Variants in ITPR1 observed in about 807,000 individuals in gnomAD.
ITPR1 encodes the protein inositol 1,4,5-trisphosphate receptor type 1, also known as inositol 1,4,5-trisphosphate-gated calcium channel ITPR1.
Under a neutral mutation model 318.4 loss-of-function variants are expected in ITPR1, and 96 were observed. The ratio of observed to expected loss-of-function variants is 0.30; its 90% CI spans 0.26 to 0.36. ITPR1 has a LOEUF of 0.36. Ranked by LOEUF, ITPR1 falls within the 10% of genes least tolerant of loss-of-function variation. The pLI, the probability that ITPR1 is intolerant of heterozygous loss-of-function variation, is 1.00. For synonymous variants in ITPR1, 1,312 were observed against 1,289.9 expected (o/e 1.02, Z -0.37); for missense variants, 2,440 against 3,460.2 (o/e 0.71, Z 7.40).
intron 4 of ITPR1, among the ~76,000 whole-genome samples, chr3:4,526,664 A>C (rs1285376869): frequency 6.6e-6 from 1 of 152,230 alleles, no homozygotes; most frequent in Non-Finnish European, 1.5e-5. Flanking sequence ...GAACCCACCT[A>C]TGAGGTGTAG....
In ITPR1 at chr3:4,628,016, G is replaced by T. The variant is rs532018150; in HGVS notation, c.279+138G>T. 3.3e-4 allele frequency: 186 copies of T among 564,396 alleles called. 3 individuals carry two copies. In the South Asian group the frequency reaches 4.5e-3, roughly 14 times the overall value. The allele number at this position is 564,396 out of a possible 1,614,324, so 35.0% of individuals were successfully genotyped here. ...TTTCTACTTTTTTTTTCGTGAAGGG[G>T]TAGAAGGGAACCGACCGTAGAGAGG... On this transcript the variant is annotated intron_variant, in intron 5 of 61. Coordinates refer to ENST00000649015, the MANE Select transcript of ITPR1 (RefSeq NM_001378452.1).
intron 4 of ITPR1, among the ~76,000 whole-genome samples, chr3:4,533,427 A>G: frequency 6.6e-6 from 1 of 152,022 alleles, no homozygotes; most frequent in Non-Finnish European, 1.5e-5. Context: ...TAGTTTCCCC[A>G]CCTGGCTGCC....
intron 46 of ITPR1, among the ~76,000 whole-genome samples, chr3:4,770,702 G>C (rs1312106600): frequency 6.6e-6 from 1 of 152,194 alleles, no homozygotes; most frequent in African/African-American, 2.4e-5. Context: ...CAGTTGCTCA[G>C]ACTTTCCTCT....
intron 4 of ITPR1, among the ~76,000 whole-genome samples, chr3:4,589,880 A>T (rs1284846330): frequency 6.6e-6 from 1 of 152,146 alleles, no homozygotes; most frequent in Non-Finnish European, 1.5e-5. Flanking sequence ...GTATGAGAAG[A>T]CCAGGCCCCT....
chr3:4,781,982 C>CA (rs1423034383), intron 49 of ITPR1, among the ~76,000 whole-genome samples: 1 of 151,576 alleles, frequency 6.6e-6, no homozygotes, highest in African/African-American at 2.4e-5. Flanking sequence ...GACCCTGTCT[C>CA]AAAAAAAGGA....
chr3:4,684,719 G>A (rs13082193), intron 29 of ITPR1, among the ~76,000 whole-genome samples: 19,943 of 152,192 alleles, frequency 0.13, 1,526 homozygotes, highest in Middle Eastern at 0.23. Flanking sequence ...AAACCTTTGC[G>A]TACGCTGGTT....
At chr3:4,505,887 T>C (rs1209700543) in intron 2 of ITPR1, among the ~76,000 whole-genome samples, 1 of 152,232 alleles carries the variant, frequency 6.6e-6, no homozygotes, top group Non-Finnish European at 1.5e-5. Context: ...GTATATTCAC[T>C]TGTCATTTGG....
At chr3:4,735,579 A>G in intron 44 of ITPR1, 1 of 538,266 alleles carries the variant, frequency 1.9e-6, no homozygotes, top group South Asian at 2.6e-5. Context: ...GAAAACTGAT[A>G]AAACACTGAG....
chr3:4,718,606 G>A (rs1401648530), intron 40 of ITPR1, among the ~76,000 whole-genome samples: 2 of 152,180 alleles, frequency 1.3e-5, no homozygotes, highest in African/African-American at 4.8e-5. Context: ...ACTAAATCAG[G>A]ACAAACACGT....
chr3:4,622,410 G>C (rs529232347), intron 4 of ITPR1, among the ~76,000 whole-genome samples: 39 of 151,436 alleles, frequency 2.6e-4, no homozygotes, highest in Non-Finnish European at 5.2e-4. Flanking sequence ...ACTGCGGCCA[G>C]CCTTTGACTT....
intron 4 of ITPR1, among the ~76,000 whole-genome samples, chr3:4,609,690 G>T (rs892147911): frequency 6.6e-6 from 1 of 151,482 alleles, no homozygotes; most frequent in Non-Finnish European, 1.5e-5. Flanking sequence ...AGATGGGGTG[G>T]TGGCTTGGCC....
chr3:4,813,369 G>A (rs1315667349), intron 57 of ITPR1, 135 bp downstream of exon 57: 1 of 614,832 alleles, frequency 1.6e-6, no homozygotes, highest in Non-Finnish European at 2.8e-6. Context: ...GGCTGAGAAA[G>A]AGGAGGGAGA....
At chr3:4,498,227 A>G (rs1455658370) in intron 2 of ITPR1, among the ~76,000 whole-genome samples, 3 of 152,244 alleles carry the variant, frequency 2.0e-5, no homozygotes, top group Non-Finnish European at 4.4e-5. Context: ...TTTAAAAAGC[A>G]ACAAAACATG....
At position 4,747,038 on chromosome 3, in the gene ITPR1, T is replaced by C. The variant is rs558428286; in HGVS notation, c.5544+11684T>C. 3.0e-3 allele frequency among the ~76,000 whole-genome samples: 450 copies of C among 152,350 alleles called. 1 individual carries two copies. The highest frequency in any genetic ancestry group is 4.5e-3 in the Non-Finnish European group (308 of 68,032). ...GGATGTGAAATGTGAACTTGTGTTG[T>C]TGATGATTATTGCCATTTTAAAGGG... On this transcript the variant is annotated intron_variant, in intron 44 of 61. Transcript: ENST00000649015.
At chr3:4,611,262 G>A (rs1335216606) in intron 4 of ITPR1, among the ~76,000 whole-genome samples, 1 of 139,594 alleles carries the variant, frequency 7.2e-6, no homozygotes. Context: ...AACTATATAT[G>A]TACAAAAATT....
rs577895618 is a variant in ITPR1 at position 4,567,874 on chromosome 3, G to T, written c.163+46780G>T. Reference sequence around the variant, plus strand: ...CTGCCCTGGACTTCCACAGTGTGGGGGTTACAGGTGTGAGCCACCGTGCCC... The same window carrying T: ...CTGCCCTGGACTTCCACAGTGTGGGTGTTACAGGTGTGAGCCACCGTGCCC... On this transcript the variant is annotated intron_variant, in intron 4 of 61. Coordinates refer to ENST00000649015, the MANE Select transcript of ITPR1 (RefSeq NM_001378452.1). 2.6e-5 allele frequency among the ~76,000 whole-genome samples: 4 copies of T among 152,280 alleles called. No individual in the cohort carries two copies. In the East Asian group the frequency reaches 7.7e-4, roughly 29 times the overall value.
chr3:4,735,815 A>G (rs1222828873), intron 44 of ITPR1, among the ~76,000 whole-genome samples: 2 of 152,314 alleles, frequency 1.3e-5, no homozygotes, highest in Non-Finnish European at 1.5e-5. Context: ...AAATTTACCT[A>G]CCTTTTAACT....
At chr3:4,660,956 T>C (rs766348710) in intron 13 of ITPR1, 32 bp from the exon 14 acceptor site, 5 of 1,147,456 alleles carry the variant, frequency 4.4e-6, no homozygotes, top group South Asian at 1.4e-5. Context: ...TCAATATTTA[T>C]TTCCCTAAAA....
chr3:4,578,367 G>C (rs2088913359), intron 4 of ITPR1, among the ~76,000 whole-genome samples: 1 of 152,094 alleles, frequency 6.6e-6, no homozygotes, highest in South Asian at 2.1e-4. Context: ...GGAGGGAGCG[G>C]TTCGGTTTGA....
Sources: gnomAD v4.1 joint callset for allele counts (sites outside exome capture counted in the v4.1 genomes callset) on GRCh38, gnomAD v4.1.1 for gene constraint, MANE v1.5 for transcripts, NCBI Gene and HGNC (gene_info 2026-07-23, HGNC 2026-07-21) for gene names.